The following CTNNBL1 variants were observed in gnomAD, a reference collection of about 807,000 sequenced individuals.
CTNNBL1 encodes the protein catenin beta like 1, also known as beta-catenin-like protein 1.
A neutral mutation model predicts 72.7 loss-of-function variants in CTNNBL1; 31 were observed. The ratio of observed to expected loss-of-function variants is 0.43; its 90% confidence interval spans 0.32 to 0.58. The LOEUF (loss-of-function observed/expected upper bound fraction) is 0.58, where lower values mean the gene tolerates loss of function less well. Among genes scored for constraint, CTNNBL1 ranks in the 20% least tolerant of loss-of-function variants. The pLI is 0.08. For synonymous variants in CTNNBL1, 240 were observed against 267.3 expected (o/e 0.90, Z 1.00); for missense variants, 534 against 725.1 (o/e 0.74, Z 3.03).
In CTNNBL1 at chr20:37,860,315, C is replaced by T; in HGVS notation, c.1574C>T (p.Ser525Phe). The change falls in exon 15 of 16, where the codon TCC becomes TTC. Residue 525 changes from serine (S) to phenylalanine (F), a missense_variant. By Grantham distance (155) the Ser-to-Phe change is radical. Coordinates refer to ENST00000361383, the MANE Select transcript of CTNNBL1 (RefSeq NM_030877.5). ...CAGATCCTAAACATGCGAGGAAGCT[C>T]CATCAAAATTGTCAGGCATATCATC... Reference protein sequence around the residue: ...VHQILNMRGSSIKIVRHIIKE... With the variant: ...VHQILNMRGSFIKIVRHIIKE... 6.2e-7 allele frequency: 1 copy of T among 1,614,114 alleles called. No homozygotes were observed. Among genetic ancestry groups the T allele is most frequent in the Non-Finnish European group, 8.5e-7 (1 of 1,179,966 alleles).
chr20:37,783,978 C>T (rs1017122078), intron 10 of CTNNBL1, among the ~76,000 whole-genome samples: 1 of 152,140 alleles, frequency 6.6e-6, no homozygotes, highest in Non-Finnish European at 1.5e-5. Context: ...TTATTGGGAT[C>T]TGTCTCTCCC....
chr20:37,762,153 A>T (rs2073423021), intron 5 of CTNNBL1, among the ~76,000 whole-genome samples: 2 of 152,234 alleles, frequency 1.3e-5, no homozygotes, highest in Admixed American at 6.5e-5. Flanking sequence ...AAAAGGTTAC[A>T]GCTAGGATAC....
chr20:37,799,131 A>C (rs75268078), intron 10 of CTNNBL1, among the ~76,000 whole-genome samples: 1 of 152,030 alleles, frequency 6.6e-6, no homozygotes, highest in Non-Finnish European at 1.5e-5. Flanking sequence ...ACCTTTGGTC[A>C]TTTCTCATTT....
chr20:37,789,189 C>T lies in CTNNBL1; in HGVS notation c.1031+9854C>T, dbSNP rs6013062. Among the ~76,000 whole-genome samples the T allele has an allele frequency of 3.1e-3, 476 of 152,244 alleles. 7 individuals are homozygous for T. The highest frequency in any genetic ancestry group is 0.01 in the African/African-American group (428 of 41,548). Reference sequence around the variant, plus strand: ...GAAAAGATGAGGTAAGGGTGGAAGACGCAGAACCTCTCAAGCAGTGGACAA... The same window carrying T: ...GAAAAGATGAGGTAAGGGTGGAAGATGCAGAACCTCTCAAGCAGTGGACAA... On this transcript the variant is annotated intron_variant, in intron 10 of 15. Transcript: ENST00000361383.
chr20:37,731,549 A>G (rs1331714126), intron 1 of CTNNBL1, among the ~76,000 whole-genome samples: 1 of 151,446 alleles, frequency 6.6e-6, no homozygotes, highest in Non-Finnish European at 1.5e-5. Flanking sequence ...TGAAACTTAT[A>G]CTCTTTAGTC....
intron 15 of CTNNBL1, among the ~76,000 whole-genome samples, chr20:37,870,139 T>C (rs1174000601): frequency 6.6e-6 from 1 of 151,970 alleles, no homozygotes; most frequent in Non-Finnish European, 1.5e-5. Context: ...CTGCCCACCA[T>C]GACACTCTCT....
At chr20:37,820,130 G>A (rs1197486046) in intron 11 of CTNNBL1, among the ~76,000 whole-genome samples, 1 of 151,886 alleles carries the variant, frequency 6.6e-6, no homozygotes, top group Non-Finnish European at 1.5e-5. Context: ...ACCCGTCTCG[G>A]CCTCCCAAAG....
intron 10 of CTNNBL1, among the ~76,000 whole-genome samples, chr20:37,797,768 A>G (rs1384353726): frequency 6.6e-6 from 1 of 152,152 alleles, no homozygotes; most frequent in African/African-American, 2.4e-5. Context: ...TCTTTCTTAT[A>G]CACAAAAGTC....
At chr20:37,851,226 G>A (rs1444207429) in intron 13 of CTNNBL1, among the ~76,000 whole-genome samples, 1 of 152,090 alleles carries the variant, frequency 6.6e-6, no homozygotes, top group Non-Finnish European at 1.5e-5. Context: ...CTGTTCTACC[G>A]AATGCACCAT....
chr20:37,732,077 TTCTG>T (rs1255212412), intron 1 of CTNNBL1, among the ~76,000 whole-genome samples: 1 of 152,262 alleles, frequency 6.6e-6, no homozygotes, highest in Non-Finnish European at 1.5e-5. Context: ...ACACTTTATC[TTCTG>T]TCTTTTTCAT....
At chr20:37,741,498 A>G (rs1464559892) in intron 3 of CTNNBL1, among the ~76,000 whole-genome samples, 1 of 152,240 alleles carries the variant, frequency 6.6e-6, no homozygotes, top group Non-Finnish European at 1.5e-5. Flanking sequence ...TTCCTTGATC[A>G]GGTTGGGACA....
At chr20:37,789,090 C>G (rs1287242767) in intron 10 of CTNNBL1, among the ~76,000 whole-genome samples, 1 of 152,046 alleles carries the variant, frequency 6.6e-6, no homozygotes, top group Non-Finnish European at 1.5e-5. Context: ...GGGTAGCCAT[C>G]CTAGAGTACA....
chr20:37,802,991 T>C lies in CTNNBL1; in HGVS notation c.1156T>C (p.Phe386Leu), dbSNP rs1295673129. The C allele has an allele frequency of 6.2e-7, 1 of 1,614,146 alleles. No individual in the cohort carries two copies. The highest frequency in any genetic ancestry group is 1.7e-5 in the Admixed American group (1 of 60,026). Residue 386 changes from phenylalanine (F) to leucine (L), a missense_variant, in exon 11 of 16, where the codon TTT becomes CTT. Coordinates refer to ENST00000361383, the MANE Select transcript of CTNNBL1 (RefSeq NM_030877.5). ...ILGLRTIFPL[F>L]MKSPRKIKKV... ...TGGCTTACGAACCATCTTTCCCCTC[T>C]TTATGAAATCTCCCAGGAAGATCAA...
intron 4 of CTNNBL1, chr20:37,749,862 C>T (rs2073302826): frequency 6.6e-6 from 1 of 152,084 alleles, no homozygotes; most frequent in Non-Finnish European, 1.5e-5. Context: ...AATTTTTCTT[C>T]AGGAAACGGT....
intron 1 of CTNNBL1, among the ~76,000 whole-genome samples, chr20:37,707,994 A>C (rs553223759): frequency 6.6e-6 from 1 of 152,338 alleles, no homozygotes; most frequent in African/African-American, 2.4e-5. Context: ...ACATTTATTC[A>C]TTAAGTTCGC....
intron 3 of CTNNBL1, among the ~76,000 whole-genome samples, chr20:37,743,523 G>A (rs748739692): frequency 6.6e-6 from 1 of 152,100 alleles, no homozygotes; most frequent in Admixed American, 6.5e-5. Flanking sequence ...GAACAGGCAA[G>A]GAAACACTGA....
In CTNNBL1 at chr20:37,725,126, C is replaced by G. The variant is rs368659591; in HGVS notation, c.31-7753C>G. 1.6e-3 allele frequency among the ~76,000 whole-genome samples: 248 copies of G among 152,218 alleles called. 1 individual carries two copies. Among genetic ancestry groups the G allele is most frequent in the African/African-American group, 5.7e-3 (236 of 41,540 alleles). On this transcript the variant is annotated intron_variant, in intron 1 of 15. Transcript: ENST00000361383. ...CTCACTATGTTGCTCAGGCTGGTCT[C>G]GAACTCCTGGGCTCAAGTGAGCCTC...
chr20:37,772,258 G>A (rs2073531719), intron 7 of CTNNBL1, among the ~76,000 whole-genome samples: 1 of 152,224 alleles, frequency 6.6e-6, no homozygotes, highest in African/African-American at 2.4e-5. Flanking sequence ...GCATCACCTA[G>A]TGCCTTGTTA....
Position 37,805,662 on chromosome 20 carries a change from G to A in CTNNBL1, c.1213+2614G>A, listed in dbSNP as rs1184139316. Among the ~76,000 whole-genome samples, 3 of 152,196 alleles carry A rather than the reference G, an allele frequency of 2.0e-5. No individual in the cohort carries two copies. In the East Asian group the frequency reaches 5.8e-4, roughly 29 times the overall value. ...TCCGCCCACCTTGGCCTCCCAAAAT[G>A]CTGAGATTATAGACAGGAACCACTG... On this transcript the variant is annotated intron_variant, in intron 11 of 15. Coordinates refer to ENST00000361383, the MANE Select transcript of CTNNBL1 (RefSeq NM_030877.5).
Sources: gnomAD v4.1 joint callset for allele counts (sites outside exome capture counted in the v4.1 genomes callset) on GRCh38, gnomAD v4.1.1 for gene constraint, MANE v1.5 for transcripts, NCBI Gene and HGNC (gene_info 2026-07-23, HGNC 2026-07-21) for gene names.